Variants in SLIT1 observed in about 807,000 individuals in gnomAD.
SLIT1 encodes slit guidance ligand 1.
SLIT1 carries 66 observed loss-of-function variants against 186.1 expected under a neutral mutation model. That is an observed-to-expected ratio of 0.35 (90% CI 0.29 to 0.44). The LOEUF (loss-of-function observed/expected upper bound fraction) is 0.44, where lower values mean the gene tolerates loss of function less well. SLIT1 is among the 20% of genes least tolerant of loss of function. The pLI is 1.00. For missense variants in SLIT1, 1,638 were observed against 2,037.4 expected (o/e 0.80, Z 3.77); for synonymous variants, 761 against 833.8 (o/e 0.91, Z 1.50).
intron 4 of SLIT1, among the ~76,000 whole-genome samples, chr10:97,118,687 C>G (rs1054750376): frequency 2.0e-5 from 3 of 152,152 alleles, no homozygotes; most frequent in Non-Finnish European, 4.4e-5. Flanking sequence ...AAAAGACATA[C>G]CGAATGATTC....
At chr10:97,079,793 G>A (rs1162387592) in intron 4 of SLIT1, among the ~76,000 whole-genome samples, 1 of 152,192 alleles carries the variant, frequency 6.6e-6, no homozygotes, top group East Asian at 1.9e-4. Flanking sequence ...ATCTTCCAGA[G>A]TCTCTAGTAC....
intron 4 of SLIT1, among the ~76,000 whole-genome samples, chr10:97,136,760 G>A (rs977678608): frequency 6.6e-6 from 1 of 152,204 alleles, no homozygotes; most frequent in Non-Finnish European, 1.5e-5. Context: ...CTGTCGGTGT[G>A]TAGGAGGCAA....
intron 4 of SLIT1, among the ~76,000 whole-genome samples, chr10:97,090,266 C>T (rs1297674447): frequency 6.6e-6 from 1 of 152,096 alleles, no homozygotes. Context: ...CTGCAGCCCG[C>T]GTGGTTGGTG....
chr10:97,154,327 C>T (rs1376432888), intron 4 of SLIT1: 2 of 152,226 alleles, frequency 1.3e-5, no homozygotes, highest in Admixed American at 1.3e-4. Flanking sequence ...CCACCAAATG[C>T]CTTGGCCTCA....
intron 4 of SLIT1, among the ~76,000 whole-genome samples, chr10:97,080,772 G>A (rs72821713): frequency 0.017 from 2,527 of 152,360 alleles, 37 homozygotes; most frequent in Non-Finnish European, 0.026. Context: ...TTGGTCATTT[G>A]ACAAATTGGC....
At chr10:97,150,962 C>T (rs965148848) in intron 4 of SLIT1, among the ~76,000 whole-genome samples, 1 of 152,202 alleles carries the variant, frequency 6.6e-6, no homozygotes, top group South Asian at 2.1e-4. Context: ...GAGCTGACCT[C>T]CAAACCTAGG....
Position 97,004,150 on chromosome 10 carries a change from G to A in SLIT1, c.3783C>T (p.Ser1261=), listed in dbSNP as rs1389629284. ...LVAFDQMVNL[S]IDGGSPMTMD... The stretch of plus-strand genomic sequence containing the variant: ...TGGTCATGGGGCTCCCGCCATCAAT[G>A]GAGAGATTCACCATCTGGTCAAAGG... The change falls in exon 34 of 37, where the codon TCC becomes TCT. Residue 1261 remains serine (S), a synonymous_variant. Transcript: ENST00000266058. This position sits in a 1 kb window ranked among gnomAD's most constrained non-coding sequence, Gnocchi z 5.1. The A allele has an allele frequency of 6.2e-7, 1 of 1,613,968 alleles. No homozygotes were observed. Among genetic ancestry groups the A allele is most frequent in the Non-Finnish European group, 8.5e-7 (1 of 1,179,814 alleles).
At chr10:97,011,225 A>G (rs1848407984) in intron 30 of SLIT1, 95 bp from the exon 31 acceptor site, 1 of 836,172 alleles carries the variant, frequency 1.2e-6, no homozygotes, top group South Asian at 1.5e-5. Flanking sequence ...CAGTCTGTAC[A>G]TGTGAGGGAG....
At chr10:97,018,483 G>A in intron 28 of SLIT1, 103 bp downstream of exon 28, 1 of 690,994 alleles carries the variant, frequency 1.4e-6, no homozygotes, top group Non-Finnish European at 2.4e-6. Context: ...CTCCCCACAG[G>A]GCACAGGAGG....
chr10:97,178,277 G>A (rs977296505), intron 1 of SLIT1, among the ~76,000 whole-genome samples: 7 of 152,186 alleles, frequency 4.6e-5, no homozygotes, highest in Non-Finnish European at 7.3e-5. Context: ...GGCACAAACT[G>A]ACATCACGTG....
At chr10:97,052,105 T>TTTG (rs386372181) in intron 13 of SLIT1, among the ~76,000 whole-genome samples, 1 of 14,290 alleles carries the variant, frequency 7.0e-5, no homozygotes, top group Admixed American at 1.8e-3. Context: ...TTTTTGTTTG[T>TTTG]TTTTTTTTTT....
chr10:97,068,485 T>C lies in SLIT1; in HGVS notation c.414-2399A>G, dbSNP rs1422502863. 6.6e-6 allele frequency among the ~76,000 whole-genome samples: 1 copy of C among 152,078 alleles called. No homozygotes were observed. Among genetic ancestry groups the C allele is most frequent in the Non-Finnish European group, 1.5e-5 (1 of 67,994 alleles). Reference sequence around the variant, plus strand: ...TTAGAAAAGCAGCCAGGCACCCGTGTCTGAAGGGGCCTTGGCACCATCAGT... The same window carrying C: ...TTAGAAAAGCAGCCAGGCACCCGTGCCTGAAGGGGCCTTGGCACCATCAGT... On this transcript the variant is annotated intron_variant, in intron 4 of 36. Coordinates refer to ENST00000266058, the MANE Select transcript of SLIT1 (RefSeq NM_003061.3). The surrounding 1 kb of genome is among the most constrained non-coding windows in gnomAD (Gnocchi z 4.2).
intron 4 of SLIT1, chr10:97,154,026 C>G (rs187085339): frequency 9.8e-5 from 15 of 152,290 alleles, no homozygotes; most frequent in Admixed American, 9.8e-4. Flanking sequence ...GTTTCTGGAA[C>G]CAAGCGTGCC....
rs1848501982 is a variant in SLIT1 at position 97,021,513 on chromosome 10, A to G, written c.2583-100T>C. The stretch of plus-strand genomic sequence containing the variant: ...GGCACTGCACCAGGGGCTGGCAAAA[A>G]TCTTAGCCTCCATTTCATGAGCATT... On this transcript the variant is annotated intron_variant, in intron 25 of 36. Coordinates refer to ENST00000266058, the MANE Select transcript of SLIT1 (RefSeq NM_003061.3). The surrounding 1 kb of genome is among the most constrained non-coding windows in gnomAD (Gnocchi z 4.5). 1.9e-6 allele frequency: 2 copies of G among 1,078,700 alleles called. No homozygotes were observed. The highest frequency in any genetic ancestry group is 2.6e-6 in the Non-Finnish European group (2 of 755,718). The allele number at this position is 1,078,700 out of a possible 1,614,324, so 66.8% of individuals were successfully genotyped here. A position where few individuals can be genotyped will look rare whatever the true frequency, so the allele number is the denominator to read the frequency against.
Position 97,163,436 on chromosome 10 carries a change from G to C in SLIT1, c.285C>G (p.Asn95Lys). Residue 95 changes from asparagine (N) to lysine (K), a missense_variant, in exon 3 of 37, where the codon AAC becomes AAG. By Grantham distance (94) the Asn-to-Lys change is moderately conservative (BLOSUM62 0). Around this residue, in one of 3 missense-constraint regions of SLIT1, gnomAD observed 1,245 missense variants for 1,535.3 expected, o/e 0.81. Transcript: ENST00000266058. The part of the protein sequence containing the change: ...KQLRVLQLME[N>K]QIGAVERGAF... ...CACCACGTTCCACTGCTCCAATCTG[G>C]TTCTCCATCAGCTGCCTGGGGAAGC... 1 of 1,614,166 alleles carries C rather than the reference G, an allele frequency of 6.2e-7. No homozygotes were observed. The highest frequency in any genetic ancestry group is 8.5e-7 in the Non-Finnish European group (1 of 1,179,986).
intron 4 of SLIT1, among the ~76,000 whole-genome samples, chr10:97,139,738 C>T (rs1276552498): frequency 1.3e-5 from 2 of 152,206 alleles, no homozygotes; most frequent in Non-Finnish European, 2.9e-5. Context: ...GTGCAGAGTT[C>T]CGGGGGCCTG....
Position 97,043,472 on chromosome 10 carries a change from C to T in SLIT1, c.1895G>A (p.Ser632Asn). 6.2e-7 allele frequency: 1 copy of T among 1,613,932 alleles called. No homozygotes were observed. Among genetic ancestry groups the T allele is most frequent in the Non-Finnish European group, 8.5e-7 (1 of 1,180,008 alleles). ...CCGGACGTTGCGCAGGCCCGTGAAGCTGTCGTTGTGGATGCAGCTGATGCG... is the reference window on the plus strand; with the variant it reads ...CCGGACGTTGCGCAGGCCCGTGAAGTTGTCGTTGTGGATGCAGCTGATGCG... ...NNRISCIHND[S>N]FTGLRNVRLL... The change falls in exon 19 of 37, where the codon AGC becomes AAC. Residue 632 changes from serine to asparagine, a missense_variant. Transcript: ENST00000266058. This position sits in a 1 kb window ranked among gnomAD's most constrained non-coding sequence, Gnocchi z 7.0.
At position 97,021,329 on chromosome 10, in the gene SLIT1, G is replaced by T; in HGVS notation, c.2667C>A (p.Gly889=). 1 of 1,614,188 alleles carries T rather than the reference G, an allele frequency of 6.2e-7. No individual in the cohort carries two copies. Among genetic ancestry groups the T allele is most frequent in the Non-Finnish European group, 8.5e-7 (1 of 1,180,014 alleles). Residue 889 remains glycine (G), a synonymous_variant, in exon 26 of 37, where the codon GGC becomes GGA. Transcript: ENST00000266058. This position sits in a 1 kb window ranked among gnomAD's most constrained non-coding sequence, Gnocchi z 4.5. ...SWVKTGYKEP[G]IARCAGPQDM... ...CCTGGGGCCCAGCACAACGAGCAAT[G>T]CCCGGTTCCTTGTAGCCAGTCTTCA... is the stretch of plus-strand genomic sequence containing the variant.
At chr10:97,015,205 G>A (rs1281206016) in intron 28 of SLIT1, among the ~76,000 whole-genome samples, 2 of 152,300 alleles carry the variant, frequency 1.3e-5, no homozygotes, top group African/African-American at 4.8e-5. Flanking sequence ...CTTACAGACT[G>A]GGGGGTGATG....
Sources: gnomAD v4.1 joint callset for allele counts (sites outside exome capture counted in the v4.1 genomes callset) on GRCh38, gnomAD v4.1.1 for gene constraint, gnomAD v4.1.1 regional missense constraint, Gnocchi (gnomAD v3.1) non-coding constraint, MANE v1.5 for transcripts, NCBI Gene and HGNC (gene_info 2026-07-23, HGNC 2026-07-21) for gene names.